The following TOP3B variants were observed in gnomAD, a reference collection of about 807,000 sequenced individuals.
TOP3B encodes the protein DNA topoisomerase 3-beta-1.
In TOP3B, 45 loss-of-function variants were observed where a neutral mutation model predicts 93.9. The ratio of observed to expected loss-of-function variants is 0.48; its 90% CI spans 0.38 to 0.61. The LOEUF (loss-of-function observed/expected upper bound fraction) is 0.61, where lower values mean the gene tolerates loss of function less well. TOP3B is among the 20% of genes least tolerant of loss of function. The pLI is 0.00. For missense variants in TOP3B, 750 were observed against 1,156.1 expected (o/e 0.65, Z 5.09); for synonymous variants, 357 against 472.6 (o/e 0.76, Z 3.17).
chr22:21,967,435 TAGGAGTATATGA>T, intron 8 of TOP3B, 156 bp downstream of exon 8: 1 of 619,054 alleles, frequency 1.6e-6, no homozygotes, highest in South Asian at 1.9e-5. Flanking sequence ...AGAAATATCT[TAGGAGTATATGA>T]GGGAGTAACC....
At chr22:21,957,908 T>C in intron 17 of TOP3B, 1 of 1,462,416 alleles carries the variant, frequency 6.8e-7, no homozygotes, top group African/African-American at 1.4e-5. Flanking sequence ...CTCATGTCAC[T>C]GGGCCACATG....
Position 21,960,397 on chromosome 22 carries a change from A to G in TOP3B, c.1578T>C (p.Tyr526=). 2 of 1,613,734 alleles carry G rather than the reference A, an allele frequency of 1.2e-6. No homozygotes were observed. The highest frequency in any genetic ancestry group is 1.7e-6 in the Non-Finnish European group (2 of 1,179,990). ...VHINNICQRN[Y]VTVESGRRLK... is the part of the protein sequence containing the mutation. The stretch of plus-strand genomic sequence containing the variant: ...GCCGGCGCCCGCTCTCCACCGTGAC[A>G]TAGTTGCGCTGGCAGATGTTGTTGA... The change falls in exon 14 of 18, where the codon TAT becomes TAC. Residue 526 remains tyrosine, a synonymous_variant. Transcript: ENST00000357179.
At position 21,971,011 on chromosome 22, in the gene TOP3B, C is replaced by T. The variant is rs764592810; in HGVS notation, c.385-605G>A. On this transcript the variant is annotated intron_variant, in intron 5 of 17. Transcript: ENST00000357179. This position sits in a 1 kb window ranked among gnomAD's most constrained non-coding sequence, Gnocchi z 4.6. ...GGCCGTGCAGTGGGACTAGGGTCGC[C>T]GCCGGAGCCTGGCCACGCAGCTTCC... is the stretch of plus-strand genomic sequence containing the variant. 1.3e-4 allele frequency: 169 copies of T among 1,298,764 alleles called. No individual in the cohort carries two copies. The highest frequency in any genetic ancestry group is 1.7e-4 in the Non-Finnish European group (163 of 986,110). The allele number at this position is 1,298,764 out of a possible 1,614,324, so 80.5% of individuals were successfully genotyped here. A position where few individuals can be genotyped will look rare whatever the true frequency, so the allele number is the denominator to read the frequency against.
chr22:21,973,048 T>G (rs1350397761), intron 3 of TOP3B: 1 of 379,754 alleles, frequency 2.6e-6, no homozygotes, highest in East Asian at 7.1e-5. Flanking sequence ...ATTCCTGGGC[T>G]GGGTCTCTTT....
chr22:21,969,629 A>C (rs2071552246), intron 6 of TOP3B: 2 of 150,572 alleles, frequency 1.3e-5, no homozygotes, highest in Non-Finnish European at 2.9e-5. Context: ...AAAATAAATA[A>C]ATTTTTGTTT....
chr22:21,974,009 C>T (rs145726555), intron 3 of TOP3B: 16 of 171,324 alleles, frequency 9.3e-5, no homozygotes, highest in South Asian at 4.5e-4. Flanking sequence ...ACCAAATGAC[C>T]GACAGATGAC....
rs563029608 is a variant in TOP3B at position 21,972,937 on chromosome 22, C to T, written c.203-219G>A. The stretch of plus-strand genomic sequence containing the variant: ...GCCTCCTTTCTGCTCGGCTGCTGAG[C>T]GGACCCACCACACCCCGGCCAACCA... On this transcript the variant is annotated intron_variant, in intron 3 of 17. Transcript: ENST00000357179. 2.5e-3 allele frequency: 1,366 copies of T among 543,510 alleles called. 34 individuals carry two copies. Among genetic ancestry groups the T allele is most frequent in the South Asian group, 0.023 (1,173 of 50,310 alleles). 33.7% of individuals were successfully genotyped at this position (543,510 alleles called of 1,614,324 possible). A position where few individuals can be genotyped will look rare whatever the true frequency, so the allele number is the denominator to read the frequency against.
chr22:21,967,471 A>C, intron 8 of TOP3B, 132 bp downstream of exon 8: 1 of 724,522 alleles, frequency 1.4e-6, no homozygotes, highest in Non-Finnish European at 2.4e-6. Context: ...CAGCTTTCCA[A>C]AAAGATGTCT....
chr22:21,980,608 C>T (rs571015088), intron 1 of TOP3B, among the ~76,000 whole-genome samples: 40 of 152,228 alleles, frequency 2.6e-4, no homozygotes, highest in Non-Finnish European at 4.7e-4. Flanking sequence ...GTACAACCAT[C>T]CCACAGTGAA....
intron 9 of TOP3B, 86 bp downstream of exon 9, chr22:21,965,199 A>G (rs2071366047): frequency 2.1e-6 from 2 of 932,364 alleles, no homozygotes; most frequent in African/African-American, 1.7e-5. Context: ...CTTGGGCACC[A>G]TCCTGCAACC....
In TOP3B at chr22:21,982,733, C is replaced by G. The variant is rs915722336; in HGVS notation, c.-102G>C. On this transcript the variant is annotated 5_prime_UTR_variant, in exon 1 of 18. Coordinates refer to ENST00000357179, the MANE Select transcript of TOP3B (RefSeq NM_001282112.2). ...GGTCCCGCAGCCCGCCGCTCACCCA[C>G]AGCCGCACCGCGGATCCAGCTCCGG... 4 of 152,282 alleles carry G rather than the reference C, an allele frequency of 2.6e-5. No homozygotes were observed. Among genetic ancestry groups the G allele is most frequent in the African/African-American group, 9.6e-5 (4 of 41,480 alleles). The allele number at this position is 152,282 out of a possible 1,614,324, so 9.4% of individuals were successfully genotyped here.
intron 6 of TOP3B, chr22:21,969,938 T>C: frequency 3.9e-6 from 1 of 257,316 alleles, no homozygotes; most frequent in Non-Finnish European, 7.5e-6. Flanking sequence ...TAATTTTTTT[T>C]TTTTTTTTTT....
At chr22:21,958,423 G>A (rs747984346) in intron 17 of TOP3B, 69 bp downstream of exon 17, 2 of 1,608,668 alleles carry the variant, frequency 1.2e-6, no homozygotes, top group South Asian at 1.1e-5. Context: ...CCAGCCTGGT[G>A]CAAGGCAGGG....
At chr22:21,978,299 C>T (rs1471295605) in intron 1 of TOP3B, among the ~76,000 whole-genome samples, 1 of 151,974 alleles carries the variant, frequency 6.6e-6, no homozygotes, top group African/African-American at 2.4e-5. Context: ...CATGGGCTCA[C>T]ACCTGCCATG....
chr22:21,971,226 G>A lies in TOP3B; in HGVS notation c.384+651C>T, dbSNP rs1226206788. The A allele has an allele frequency of 1.2e-5, 4 of 345,814 alleles. No individual in the cohort carries two copies. 21.4% of individuals were successfully genotyped at this position (345,814 alleles called of 1,614,324 possible). On this transcript the variant is annotated intron_variant, in intron 5 of 17. Transcript: ENST00000357179. This position sits in a 1 kb window ranked among gnomAD's most constrained non-coding sequence, Gnocchi z 4.6. Reference sequence around the variant, plus strand: ...CTGCAACGCCAGGTGCCTCAGCTCTGTCTCACTGACCAGCTCTTGAGCCAC... The same window carrying A: ...CTGCAACGCCAGGTGCCTCAGCTCTATCTCACTGACCAGCTCTTGAGCCAC...
chr22:21,975,860 C>T (rs760493370), intron 1 of TOP3B, 53 bp from the exon 2 acceptor site: 3 of 1,159,572 alleles, frequency 2.6e-6, no homozygotes, highest in East Asian at 3.1e-5. Flanking sequence ...AGAACCTACA[C>T]CACTACAAGG....
chr22:21,958,031 G>A (rs1470232263), intron 17 of TOP3B: 3 of 1,316,832 alleles, frequency 2.3e-6, no homozygotes, highest in Non-Finnish European at 3.0e-6. Context: ...AGAGCACACG[G>A]TGAATGTGGG....
chr22:21,959,593 T>C lies in TOP3B; in HGVS notation c.1798A>G (p.Ile600Val). The change falls in exon 15 of 18, where the codon ATT (isoleucine) becomes GTT (valine). Residue 600 changes from isoleucine (I) to valine (V), a missense_variant. Transcript: ENST00000357179. Reference protein sequence around the residue: ...KRKFHYFVDSIAGMDELMEVS... With the variant: ...KRKFHYFVDSVAGMDELMEVS... Reference sequence around the variant, plus strand: ...GGCCAGAGGCAGACTCTACCAGCAATGGAGTCGACAAAGTAGTGGAACTTC... The same window carrying C: ...GGCCAGAGGCAGACTCTACCAGCAACGGAGTCGACAAAGTAGTGGAACTTC... 2 of 1,609,902 alleles carry C rather than the reference T, an allele frequency of 1.2e-6. No individual in the cohort carries two copies. Among genetic ancestry groups the C allele is most frequent in the Non-Finnish European group, 1.7e-6 (2 of 1,177,430 alleles).
rs760886348 is a variant in TOP3B at position 21,958,585 on chromosome 22, C to G, written c.2014G>C (p.Glu672Gln). Residue 672 changes from glutamate to glutamine, a missense_variant, in exon 17 of 18, where the codon GAG becomes CAG. This residue lies in a region of TOP3B where 737 missense variants were observed against 933.7 expected (regional missense o/e 0.79). Coordinates refer to ENST00000357179, the MANE Select transcript of TOP3B (RefSeq NM_001282112.2). ...KELRCPLDDFELVLWSSGSRG... is the reference protein window; with the variant it reads ...KELRCPLDDFQLVLWSSGSRG... ...GAGCCTGATGACCACAGGACCAGCT[C>G]GAAGTCATCCAGAGGGCAGCGGAGC... The G allele has an allele frequency of 1.9e-6, 3 of 1,614,102 alleles. No homozygotes were observed. Among genetic ancestry groups the G allele is most frequent in the Non-Finnish European group, 2.5e-6 (3 of 1,180,036 alleles).
Sources: gnomAD v4.1 joint callset for allele counts (sites outside exome capture counted in the v4.1 genomes callset) on GRCh38, gnomAD v4.1.1 for gene constraint, gnomAD v4.1.1 regional missense constraint, Gnocchi (gnomAD v3.1) non-coding constraint, MANE v1.5 for transcripts, NCBI Gene and HGNC (gene_info 2026-07-23, HGNC 2026-07-21) for gene names.